MYB: variants seen among roughly 807,000 people sequenced by gnomAD.
MYB encodes the protein transcriptional activator Myb.
In MYB, 28 loss-of-function variants were observed where a neutral mutation model predicts 92.9. The ratio of observed to expected loss-of-function variants is 0.30; its 90% CI spans 0.22 to 0.41. The LOEUF is 0.41. MYB is among the 10% of genes least tolerant of loss of function. The probability of loss-of-function intolerance (pLI) is 1.00; values close to 1 mark genes in which losing one functional copy is unlikely to be tolerated. For missense variants in MYB, 679 were observed against 929.3 expected (o/e 0.73, Z 3.50); for synonymous variants, 295 against 329.1 (o/e 0.90, Z 1.12).
At chr6:135,189,745 C>CT in intron 3 of MYB, 46 bp from the exon 4 acceptor site, 1 of 1,520,356 alleles carries the variant, frequency 6.6e-7, no homozygotes, top group Non-Finnish European at 9.1e-7. Flanking sequence ...AATTCACGTG[C>CT]TTATCACATC....
Position 135,189,893 on chromosome 6 carries a change from T to G in MYB, c.306+10T>G, listed in dbSNP as rs1428524890. ...AGAAGAAGATCAGAGAGTAAGTTCT[T>G]TCTTCATTGGTGTGTGACTCATAAT... On this transcript the variant is annotated intron_variant, in intron 4 of 15. Transcript: ENST00000341911. The G allele has an allele frequency of 1.2e-6, 2 of 1,606,618 alleles. No homozygotes were observed. The highest frequency in any genetic ancestry group is 3.3e-5 in the Admixed American group (2 of 59,794).
At chr6:135,192,861 C>T (rs574190135) in intron 6 of MYB, among the ~76,000 whole-genome samples, 99 of 152,260 alleles carry the variant, frequency 6.5e-4, no homozygotes, top group African/African-American at 2.4e-3. Flanking sequence ...TGAAGGCAAC[C>T]TTTGAATGTA....
At position 135,197,101 on chromosome 6, in the gene MYB, C is replaced by T. The variant is rs1562377670; in HGVS notation, c.1344C>T (p.Ser448=). The change falls in exon 10 of 16, where the codon AGC becomes AGT. Residue 448 remains serine (S), a synonymous_variant. Coordinates refer to ENST00000341911, the MANE Select transcript of MYB (RefSeq NM_001130173.2). ...GNGTKPAGEP[S]PRVNKRMLSE... ...GGACTAAACCTGCAGGAGAACCTAG[C>T]CCAAGGGTGAACAAACGTATGTTGA... 13 of 1,614,018 alleles carry T rather than the reference C, an allele frequency of 8.1e-6. No individual in the cohort carries two copies. The highest frequency in any genetic ancestry group is 1.1e-5 in the Non-Finnish European group (13 of 1,179,892).
chr6:135,218,063 T>TGTTGA lies in MYB; in HGVS notation c.*84_*85insTTGAG. On this transcript the variant is annotated 3_prime_UTR_variant, in exon 16 of 16. Coordinates refer to ENST00000341911, the MANE Select transcript of MYB (RefSeq NM_001130173.2). Reference sequence around the variant, plus strand: ...TCATTCCTCAACATGAAACTTTTCATGAATGGGAGAAGAACCTATTTTTGT... The same window carrying TGTTGA: ...TCATTCCTCAACATGAAACTTTTCATGTTGAGAATGGGAGAAGAACCTATTTTTGT... The TGTTGA allele has an allele frequency of 9.1e-7, 1 of 1,101,780 alleles. No homozygotes were observed. Among genetic ancestry groups the TGTTGA allele is most frequent in the Non-Finnish European group, 1.4e-6 (1 of 719,264 alleles). 68.3% of individuals were successfully genotyped at this position (1,101,780 alleles called of 1,614,324 possible). A position where few individuals can be genotyped will look rare whatever the true frequency, so the allele number is the denominator to read the frequency against.
chr6:135,212,224 C>CTTTTTTGTTTTTTTTGTTTTTTTTT (rs1779810683), intron 15 of MYB, among the ~76,000 whole-genome samples: 1 of 32,884 alleles, frequency 3.0e-5, no homozygotes, highest in Non-Finnish European at 5.3e-5. Context: ...TTTGGTTTTA[C>CTTTTTTGTTTTTTTTGTTTTTTTTT]TTTTTTTTTT....
chr6:135,203,015 T>C lies in MYB; in HGVS notation c.2062-202T>C, dbSNP rs906980447. The C allele has an allele frequency of 1.2e-4, 84 of 702,336 alleles. No homozygotes were observed. The Admixed American group carries it at 1.6e-3, about 14-fold the overall frequency. The allele number at this position is 702,336 out of a possible 1,614,324, so 43.5% of individuals were successfully genotyped here. On this transcript the variant is annotated intron_variant, in intron 14 of 15. Coordinates refer to ENST00000341911, the MANE Select transcript of MYB (RefSeq NM_001130173.2). ...CCAAAGGAGCTTTGTGTTGTGGTGA[T>C]GTTTGCCACAATGGGATTAAGGTTC...
chr6:135,210,290 G>T (rs1412788306), intron 15 of MYB, among the ~76,000 whole-genome samples: 1 of 152,190 alleles, frequency 6.6e-6, no homozygotes, highest in South Asian at 2.1e-4. Context: ...GTGTTCATAG[G>T]CTTTCTACTC....
intron 13 of MYB, among the ~76,000 whole-genome samples, chr6:135,201,351 G>A (rs147656781): frequency 1.3e-5 from 2 of 152,158 alleles, no homozygotes; most frequent in East Asian, 3.9e-4. Flanking sequence ...AACACTACTA[G>A]GTGTATCATT....
intron 10 of MYB, among the ~76,000 whole-genome samples, chr6:135,197,676 CGTT>C (rs939133726): frequency 2.6e-5 from 4 of 152,150 alleles, no homozygotes; most frequent in Non-Finnish European, 5.9e-5. Context: ...ATTTCTTCCT[CGTT>C]GTTCATTTAT....
chr6:135,189,924 ATAT>A (rs773707551), intron 4 of MYB, 41 bp downstream of exon 4: 4 of 1,558,798 alleles, frequency 2.6e-6, no homozygotes, highest in Admixed American at 3.5e-5. Flanking sequence ...ATAATTAAGA[ATAT>A]TCCCAAAATG....
intron 15 of MYB, among the ~76,000 whole-genome samples, chr6:135,212,577 G>T (rs1779895862): frequency 6.6e-6 from 1 of 152,082 alleles, no homozygotes; most frequent in African/African-American, 2.4e-5. Context: ...GTTCACTTCT[G>T]CCCAGGGGCA....
intron 15 of MYB, chr6:135,203,820 T>C: frequency 7.8e-7 from 1 of 1,277,838 alleles, no homozygotes; most frequent in Admixed American, 2.5e-5. Context: ...AAGTCAACTG[T>C]CAATGTTGTG....
chr6:135,210,465 A>G (rs1359747454), intron 15 of MYB, among the ~76,000 whole-genome samples: 2 of 152,244 alleles, frequency 1.3e-5, no homozygotes, highest in African/African-American at 4.8e-5. Flanking sequence ...AAGAATTTAA[A>G]AATGTTGCTA....
At chr6:135,192,178 G>A in intron 5 of MYB, 146 bp from the exon 6 acceptor site, 1 of 650,296 alleles carries the variant, frequency 1.5e-6, no homozygotes, top group East Asian at 2.7e-5. Context: ...GATCTCAGAG[G>A]GTGGAGAAGA....
In MYB at chr6:135,193,842, C is replaced by T; in HGVS notation, c.767C>T (p.Ser256Phe). The T allele has an allele frequency of 6.2e-7, 1 of 1,610,318 alleles. No homozygotes were observed. The highest frequency in any genetic ancestry group is 8.5e-7 in the Non-Finnish European group (1 of 1,176,700). The change falls in exon 7 of 16, where the codon TCC becomes TTC. Residue 256 changes from serine (S) to phenylalanine (F), a missense_variant. By Grantham distance (155) the Ser-to-Phe change is radical (BLOSUM62 -2). This residue lies in a region of MYB where 43 missense variants were observed against 87.9 expected (regional missense o/e 0.49). Coordinates refer to ENST00000341911, the MANE Select transcript of MYB (RefSeq NM_001130173.2). ...TGTTTTGTCTTTTGCATCTAGGTCT[C>T]CAGTCATGTTCCATACCCTGTAGCG... is the stretch of plus-strand genomic sequence containing the variant. ...YYHISEAQNV[S>F]SHVPYPVALH...
At chr6:135,208,637 T>C (rs572002321) in intron 15 of MYB, among the ~76,000 whole-genome samples, 1 of 151,234 alleles carries the variant, frequency 6.6e-6, no homozygotes, top group Non-Finnish European at 1.5e-5. Flanking sequence ...TGCCTTGACC[T>C]CCCAAAGTGC....
At chr6:135,216,349 G>T (rs1780434035) in intron 15 of MYB, among the ~76,000 whole-genome samples, 1 of 152,036 alleles carries the variant, frequency 6.6e-6, no homozygotes, top group Admixed American at 6.6e-5. Context: ...TACATTCGTG[G>T]GGTACAAGTG....
At chr6:135,189,651 A>G in intron 3 of MYB, 140 bp from the exon 4 acceptor site, 1 of 648,848 alleles carries the variant, frequency 1.5e-6, no homozygotes, top group Non-Finnish European at 2.7e-6. Flanking sequence ...GTAATGAGGG[A>G]TAGATGGGCT....
chr6:135,190,497 G>C lies in MYB; in HGVS notation c.527+150G>C. On this transcript the variant is annotated intron_variant, in intron 5 of 15. Coordinates refer to ENST00000341911, the MANE Select transcript of MYB (RefSeq NM_001130173.2). The surrounding 1 kb of genome is among the most constrained non-coding windows in gnomAD (Gnocchi z 4.5). ...AGCTACATAGCTTTTAGAGATTGAAGACATCTTAGAGTTTATTTGGTTGAG... is the reference window on the plus strand; with the variant it reads ...AGCTACATAGCTTTTAGAGATTGAACACATCTTAGAGTTTATTTGGTTGAG... 1 of 686,702 alleles carries C rather than the reference G, an allele frequency of 1.5e-6. No individual in the cohort carries two copies. Among genetic ancestry groups the C allele is most frequent in the Non-Finnish European group, 2.4e-6 (1 of 409,576 alleles). The allele number at this position is 686,702 out of a possible 1,614,324, so 42.5% of individuals were successfully genotyped here. A position where few individuals can be genotyped will look rare whatever the true frequency, so the allele number is the denominator to read the frequency against.
Sources: gnomAD v4.1 joint callset for allele counts (sites outside exome capture counted in the v4.1 genomes callset) on GRCh38, gnomAD v4.1.1 for gene constraint, gnomAD v4.1.1 regional missense constraint, Gnocchi (gnomAD v3.1) non-coding constraint, MANE v1.5 for transcripts, NCBI Gene and HGNC (gene_info 2026-07-23, HGNC 2026-07-21) for gene names.